TENM1: variants seen among roughly 807,000 people sequenced by gnomAD.
The protein encoded by TENM1 is teneurin-1.
TENM1 carries 35 observed loss-of-function variants against 174.8 expected under a neutral mutation model. The ratio of observed to expected loss-of-function variants is 0.20; its 90% CI spans 0.15 to 0.27. The LOEUF is 0.27. Among genes scored for constraint, TENM1 ranks in the 10% least tolerant of loss-of-function variants. The pLI, the probability that TENM1 is intolerant of heterozygous loss-of-function variation, is 1.00. For synonymous variants in TENM1, 781 were observed against 798.7 expected (o/e 0.98, Z 0.37); for missense variants, 1,633 against 2,130.1 (o/e 0.77, Z 4.59).
the TENM1 span, among the ~76,000 whole-genome samples, chrX:125,157,076 TG>T: frequency 8.9e-6 from 1 of 112,430 alleles, no homozygotes; most frequent in Non-Finnish European, 1.9e-5. Context: ...TAGAATCACC[TG>T]GGGGCCTTAA....
intron 1 of TENM1, among the ~76,000 whole-genome samples, chrX:124,918,282 C>T (rs1461163976): frequency 3.7e-5 from 4 of 109,586 alleles, no homozygotes; most frequent in Admixed American, 9.8e-5. Flanking sequence ...CAGGTTCAAG[C>T]GATTCTCCAG....
At chrX:124,681,871 A>G (rs2052243846) in intron 5 of TENM1, among the ~76,000 whole-genome samples, 1 of 112,006 alleles carries the variant, frequency 8.9e-6, no homozygotes, top group Non-Finnish European at 1.9e-5. Context: ...AGCAATCATT[A>G]TTAAGCCTGT....
intron 3 of TENM1, among the ~76,000 whole-genome samples, chrX:124,752,312 G>A (rs1158964427): frequency 3.6e-5 from 4 of 111,715 alleles, no homozygotes; most frequent in Non-Finnish European, 7.5e-5. Flanking sequence ...GTCTGTTCAT[G>A]TCCTTCGCCC....
At chrX:124,876,912 C>T (rs966699187) in intron 3 of TENM1, among the ~76,000 whole-genome samples, 1 of 111,756 alleles carries the variant, frequency 8.9e-6, no homozygotes, top group African/African-American at 3.2e-5. Flanking sequence ...GACATACTCA[C>T]GTCTTATTTT....
chrX:124,378,343 A>G (rs1569528088), exon 32 of TENM1: 1 of 112,757 alleles, frequency 8.9e-6, no homozygotes, highest in Non-Finnish European at 1.9e-5. Flanking sequence ...GATAAAATAC[A>G]TAATCACATT....
intron 6 of TENM1, among the ~76,000 whole-genome samples, chrX:124,665,511 C>T (rs2051735242): frequency 8.9e-6 from 1 of 112,666 alleles, no homozygotes. Flanking sequence ...TGAATTGCAA[C>T]GGAATTCTCT....
intron 11 of TENM1, among the ~76,000 whole-genome samples, chrX:124,587,403 A>G (rs916623568): frequency 1.1e-4 from 12 of 107,979 alleles, no homozygotes; most frequent in African/African-American, 4.1e-4. Flanking sequence ...CAACTATCTG[A>G]TCTTTGACAA....
the TENM1 span, among the ~76,000 whole-genome samples, chrX:125,012,696 A>G: frequency 8.9e-6 from 1 of 111,970 alleles, no homozygotes; most frequent in African/African-American, 3.2e-5. Context: ...ACTCCAAATC[A>G]AATGCGCACT....
chrX:125,126,605 CTG>C, the TENM1 span, among the ~76,000 whole-genome samples: 1 of 110,211 alleles, frequency 9.1e-6, no homozygotes, highest in Admixed American at 9.7e-5. Flanking sequence ...AAACTTTGTA[CTG>C]CTTCCAATTT....
At chrX:124,904,020 T>C (rs1428657415) in intron 1 of TENM1, among the ~76,000 whole-genome samples, 3 of 111,484 alleles carry the variant, frequency 2.7e-5, no homozygotes, top group African/African-American at 9.8e-5. Context: ...ATTTCCATTA[T>C]GTTCACTAAG....
At chrX:124,963,780 G>T in exon 1 of TENM1, 1 of 1,144,876 alleles carries the variant, frequency 8.7e-7, no homozygotes. Context: ...TCAGTTTCAT[G>T]AAAAAAAGGA....
At chrX:125,093,456 A>C in the TENM1 span, among the ~76,000 whole-genome samples, 1 of 112,118 alleles carries the variant, frequency 8.9e-6, no homozygotes, top group Admixed American at 9.4e-5. Flanking sequence ...ACCTAAGGTA[A>C]ATATTATAGA....
chrX:124,830,121 T>C (rs753124719), intron 3 of TENM1, among the ~76,000 whole-genome samples: 2 of 111,733 alleles, frequency 1.8e-5, no homozygotes, highest in Non-Finnish European at 3.8e-5. Flanking sequence ...GAAGAGGTGT[T>C]TGAGGACATG....
rs757907927 is a variant in TENM1, at chrX:124,607,065, A to C, written c.2077+34726T>G. ...GGAGGAAACATTAAGGAATGAGACA[A>C]AATGGTGGGCATTTGGTACCTCAGA... is the stretch of plus-strand genomic sequence containing the variant. On this transcript the variant is annotated intron_variant, in intron 11 of 31. Transcript: ENST00000422452. Among the ~76,000 whole-genome samples the C allele has an allele frequency of 1.4e-4, 16 of 110,357 alleles. No individual in the cohort carries two copies. The South Asian group carries it at 6.1e-3, about 42-fold the overall frequency.
At chrX:124,435,704 T>G (rs1474758205) in intron 23 of TENM1, among the ~76,000 whole-genome samples, 1 of 111,644 alleles carries the variant, frequency 9.0e-6, no homozygotes, top group Non-Finnish European at 1.9e-5. Flanking sequence ...GAGGGAAGAT[T>G]TAACTGGTGG....
intron 3 of TENM1, among the ~76,000 whole-genome samples, chrX:124,790,453 AC>A (rs765265070): frequency 1.8e-5 from 2 of 112,067 alleles, no homozygotes; most frequent in African/African-American, 6.5e-5. Context: ...GTTCCACCTG[AC>A]TGTTTTTGGG....
intron 4 of TENM1, among the ~76,000 whole-genome samples, chrX:124,717,257 T>C (rs1013663723): frequency 9.0e-6 from 1 of 111,613 alleles, no homozygotes; most frequent in African/African-American, 3.3e-5. Context: ...CATAAGCATA[T>C]TAGATATGTA....
At chrX:124,417,589 C>T (rs987039245) in intron 25 of TENM1, among the ~76,000 whole-genome samples, 13 of 111,225 alleles carry the variant, frequency 1.2e-4, no homozygotes, top group African/African-American at 3.9e-4. Flanking sequence ...CACTCACTTT[C>T]ATGGAGAGAT....
the TENM1 span, among the ~76,000 whole-genome samples, chrX:125,028,115 C>T: frequency 8.9e-6 from 1 of 111,866 alleles, no homozygotes; most frequent in East Asian, 2.8e-4. Context: ...TAGATGTATA[C>T]TTTAAAAAAC....
Sources: gnomAD v4.1 joint callset for allele counts (sites outside exome capture counted in the v4.1 genomes callset) on GRCh38, gnomAD v4.1.1 for gene constraint, MANE v1.5 for transcripts, NCBI Gene and HGNC (gene_info 2026-07-23, HGNC 2026-07-21) for gene names.